Variants in SLC9C2 observed in about 807,000 individuals in gnomAD.
SLC9C2 encodes the protein solute carrier family 9 member C2 (putative), also known as sodium/hydrogen exchanger 11.
SLC9C2 carries 75 observed loss-of-function variants against 140.2 expected under a neutral mutation model. That is an observed-to-expected ratio of 0.53 (90% CI 0.44 to 0.65). The LOEUF is 0.65. Ranked by LOEUF, SLC9C2 falls within the 30% of genes least tolerant of loss-of-function variation. The pLI is 0.00. For synonymous variants in SLC9C2, 375 were observed against 420.9 expected (o/e 0.89, Z 1.34); for missense variants, 1,074 against 1,331.8 (o/e 0.81, Z 3.01).
intron 13 of SLC9C2, among the ~76,000 whole-genome samples, chr1:173,544,250 T>C (rs975567260): frequency 6.6e-6 from 1 of 152,060 alleles, no homozygotes; most frequent in Admixed American, 6.5e-5. Context: ...AACAGACACA[T>C]GAAAAAATGC....
intron 23 of SLC9C2, among the ~76,000 whole-genome samples, chr1:173,513,193 G>A (rs942665395): frequency 6.6e-6 from 1 of 152,168 alleles, no homozygotes; most frequent in East Asian, 1.9e-4. Context: ...GAGTTAGGGA[G>A]GTGTCCCACC....
chr1:173,579,871 A>C (rs1353993950), intron 7 of SLC9C2, among the ~76,000 whole-genome samples: 1 of 152,220 alleles, frequency 6.6e-6, no homozygotes, highest in Non-Finnish European at 1.5e-5. Context: ...TAATGCTAAA[A>C]GACTCTAGGG....
Position 173,521,286 on chromosome 1 carries a change from T to G in SLC9C2, c.2739+15A>C. The G allele has an allele frequency of 1.6e-6, 2 of 1,227,896 alleles. No homozygotes were observed. The highest frequency in any genetic ancestry group is 2.8e-5 in the East Asian group (1 of 36,306). 76.1% of individuals were successfully genotyped at this position (1,227,896 alleles called of 1,614,324 possible). On this transcript the variant is annotated intron_variant, in intron 22 of 27. Transcript: ENST00000367714. Reference sequence around the variant, plus strand: ...TTTTAAGTAAAAAAAAAAAAAAAAATCAATAGTCCCTTACAATTGCCATTC... The same window carrying G: ...TTTTAAGTAAAAAAAAAAAAAAAAAGCAATAGTCCCTTACAATTGCCATTC...
At position 173,517,649 on chromosome 1, in the gene SLC9C2, C is replaced by T; in HGVS notation, c.2795G>A (p.Gly932Glu). 2 of 1,613,794 alleles carry T rather than the reference C, an allele frequency of 1.2e-6. No individual in the cohort carries two copies. ...GAACTCTGTAAACATGTCTCTGGAC[C>T]CTCTATCACACCTTTGATTACTCTC... ...GIESNQRCDR[G>E]SRDMFTEFCT... Residue 932 changes from glycine to glutamate, a missense_variant, in exon 23 of 28, where the codon GGG (glycine) becomes GAG (glutamate). By Grantham distance (98) the Gly-to-Glu change is moderately conservative (BLOSUM62 -2). Transcript: ENST00000367714.
intron 9 of SLC9C2, among the ~76,000 whole-genome samples, chr1:173,570,784 A>G (rs559279663): frequency 6.6e-6 from 1 of 152,254 alleles, no homozygotes; most frequent in East Asian, 1.9e-4. Flanking sequence ...AGTTCAGCAC[A>G]GTTTTGCTTT....
chr1:173,562,945 AG>A (rs1356388344), intron 9 of SLC9C2, among the ~76,000 whole-genome samples: 1 of 152,056 alleles, frequency 6.6e-6, no homozygotes, highest in Non-Finnish European at 1.5e-5. Flanking sequence ...TAATACTTGC[AG>A]GGAGTGCTAA....
At chr1:173,597,346 C>T (rs1394581102) in intron 4 of SLC9C2, among the ~76,000 whole-genome samples, 2 of 151,572 alleles carry the variant, frequency 1.3e-5, no homozygotes, top group East Asian at 3.9e-4. Flanking sequence ...TGGGATACCA[C>T]TAAAAAGAAA....
At chr1:173,567,032 G>T (rs1664516850) in intron 9 of SLC9C2, among the ~76,000 whole-genome samples, 1 of 151,754 alleles carries the variant, frequency 6.6e-6, no homozygotes, top group Admixed American at 6.6e-5. Flanking sequence ...TCTGGAAAAT[G>T]CTTGATATTA....
chr1:173,582,421 C>G (rs769713324), intron 6 of SLC9C2, among the ~76,000 whole-genome samples: 14 of 152,156 alleles, frequency 9.2e-5, no homozygotes, highest in Non-Finnish European at 2.1e-4. Context: ...ACCCCTGCCC[C>G]CAGCCCAGGA....
intron 24 of SLC9C2, among the ~76,000 whole-genome samples, chr1:173,509,191 C>T (rs1452225107): frequency 6.6e-6 from 1 of 152,126 alleles, no homozygotes; most frequent in African/African-American, 2.4e-5. Context: ...CGCCTATAAT[C>T]CCAGCACTTT....
chr1:173,509,615 C>A lies in SLC9C2; in HGVS notation c.2992G>T (p.Ala998Ser), dbSNP rs1233580821. ...SLEYKIWLKL[A>S]LSTAYQYFES... ...AAATACTGATAGGCAGTACTGAGAG[C>A]AAGCTTTAGCCATATTTTATATTCC... Residue 998 changes from alanine to serine, a missense_variant, in exon 24 of 28, where the codon GCT becomes TCT. Ala to Ser is a moderately conservative substitution (Grantham distance 99, BLOSUM62 1). Coordinates refer to ENST00000367714, the MANE Select transcript of SLC9C2 (RefSeq NM_178527.4). 6.3e-7 allele frequency: 1 copy of A among 1,597,672 alleles called. No homozygotes were observed.
intron 15 of SLC9C2, 125 bp from the exon 16 acceptor site, chr1:173,534,807 A>G: frequency 2.6e-6 from 2 of 769,618 alleles, no homozygotes; most frequent in Non-Finnish European, 3.6e-6. Flanking sequence ...AATAATAGTA[A>G]GCAAAAATCA....
chr1:173,548,630 C>G (rs897662004), intron 11 of SLC9C2, 78 bp from the exon 12 acceptor site: 83 of 1,511,606 alleles, frequency 5.5e-5, no homozygotes, highest in Non-Finnish European at 7.4e-5. Context: ...GTTGCATGAT[C>G]ATGTAGTGAA....
rs542909532 is a variant in SLC9C2, at chr1:173,511,593, C to G, written c.2908-1894G>C. Among the ~76,000 whole-genome samples the G allele has an allele frequency of 2.0e-5, 3 of 152,186 alleles. No homozygotes were observed. In the South Asian group the frequency reaches 6.2e-4, roughly 32 times the overall value. ...ATGGGTAGATTGCAATAACTTTCTC[C>G]CATTCTGTAGGCTGCCTGTTCACTC... On this transcript the variant is annotated intron_variant, in intron 23 of 27. Coordinates refer to ENST00000367714, the MANE Select transcript of SLC9C2 (RefSeq NM_178527.4).
intron 15 of SLC9C2, among the ~76,000 whole-genome samples, chr1:173,535,314 A>T (rs1458298018): frequency 6.6e-6 from 1 of 152,230 alleles, no homozygotes; most frequent in Non-Finnish European, 1.5e-5. Flanking sequence ...TGCTCTAAAA[A>T]GTATGTAAGC....
At chr1:173,502,903 T>C (rs1246322070) in intron 27 of SLC9C2, among the ~76,000 whole-genome samples, 1 of 152,174 alleles carries the variant, frequency 6.6e-6, no homozygotes, top group Admixed American at 6.5e-5. Context: ...TAGCAATCTG[T>C]ACATCCAGGA....
chr1:173,517,737 G>A (rs1304938474), intron 22 of SLC9C2, 33 bp from the exon 23 acceptor site: 1 of 1,559,278 alleles, frequency 6.4e-7, no homozygotes, highest in Admixed American at 2.1e-5. Flanking sequence ...CAAAGGGAAA[G>A]AAAAAATGAA....
intron 4 of SLC9C2, among the ~76,000 whole-genome samples, chr1:173,597,667 T>C (rs1666520968): frequency 6.6e-6 from 1 of 152,136 alleles, no homozygotes; most frequent in South Asian, 2.1e-4. Context: ...AAAATGGAAA[T>C]GTTATTTACT....
intron 9 of SLC9C2, among the ~76,000 whole-genome samples, chr1:173,569,928 C>G (rs529878823): frequency 9.2e-5 from 14 of 152,318 alleles, no homozygotes; most frequent in East Asian, 3.9e-4. Flanking sequence ...AGGAAAGCCT[C>G]TCCCTATGGC....
Sources: gnomAD v4.1 joint callset for allele counts (sites outside exome capture counted in the v4.1 genomes callset) on GRCh38, gnomAD v4.1.1 for gene constraint, MANE v1.5 for transcripts, NCBI Gene and HGNC (gene_info 2026-07-23, HGNC 2026-07-21) for gene names.